Variants in BABAM2 observed in about 807,000 individuals in gnomAD.
BABAM2 encodes the protein BRISC and BRCA1 A complex member 2.
BABAM2 carries 31 observed loss-of-function variants against 54.7 expected under a neutral mutation model. The observed-to-expected ratio is 0.57, with a 90% CI of 0.43 to 0.77. The LOEUF is 0.77. Ranked by LOEUF, BABAM2 falls within the 30% of genes least tolerant of loss-of-function variation. The pLI, the probability that BABAM2 is intolerant of heterozygous loss-of-function variation, is 0.00. For missense variants in BABAM2, 364 were observed against 455.8 expected, an observed-to-expected ratio of 0.80 and a Z score of 1.83; for synonymous variants, 167 against 162.9, an observed-to-expected ratio of 1.03 and a Z score of -0.19.
At chr2:28,007,400 A>G (rs1351022009) in intron 4 of BABAM2, among the ~76,000 whole-genome samples, 5 of 152,142 alleles carry the variant, frequency 3.3e-5, no homozygotes, top group African/African-American at 1.2e-4. Flanking sequence ...AGGAAGCTGC[A>G]AATGGAAGAA....
At chr2:27,983,338 C>T (rs999537053) in intron 3 of BABAM2, among the ~76,000 whole-genome samples, 4 of 152,100 alleles carry the variant, frequency 2.6e-5, no homozygotes, top group Non-Finnish European at 5.9e-5. Context: ...GTATTCCTAT[C>T]CATATTCCAG....
At position 28,124,865 on chromosome 2, in the gene BABAM2, G is replaced by A. The variant is rs566556961; in HGVS notation, c.571-4406G>A. Among the ~76,000 whole-genome samples the A allele has an allele frequency of 2.6e-4, 40 of 152,254 alleles. No individual in the cohort carries two copies. The South Asian group carries it at 8.1e-3, about 31-fold the overall frequency. On this transcript the variant is annotated intron_variant, in intron 6 of 11. Coordinates refer to ENST00000379624, the MANE Select transcript of BABAM2 (RefSeq NM_199191.3). ...TATAAGATGAAAAACTAGAGAAGCAGTTATAGAATCTCAGAGTTATTGACC... is the reference window on the plus strand; with the variant it reads ...TATAAGATGAAAAACTAGAGAAGCAATTATAGAATCTCAGAGTTATTGACC...
At chr2:27,929,492 T>G (rs1257784061) in intron 2 of BABAM2, among the ~76,000 whole-genome samples, 2 of 152,228 alleles carry the variant, frequency 1.3e-5, no homozygotes, top group Admixed American at 6.5e-5. Context: ...ATTCTTATTT[T>G]ACAGTTCTTG....
At chr2:28,112,207 CT>C (rs1668189468) in intron 6 of BABAM2, among the ~76,000 whole-genome samples, 1 of 113,110 alleles carries the variant, frequency 8.8e-6, no homozygotes, top group Non-Finnish European at 1.8e-5. Flanking sequence ...CCCTTCCTTC[CT>C]TCCTTCCTTC....
At chr2:28,077,483 G>T (rs1664791361) in intron 6 of BABAM2, among the ~76,000 whole-genome samples, 1 of 152,096 alleles carries the variant, frequency 6.6e-6, no homozygotes, top group African/African-American at 2.4e-5. Context: ...CTTGACATAG[G>T]ATTCTAGAAC....
At chr2:28,224,737 A>G (rs1680720369) in intron 7 of BABAM2, among the ~76,000 whole-genome samples, 1 of 151,736 alleles carries the variant, frequency 6.6e-6, no homozygotes, top group South Asian at 2.1e-4. Context: ...TTTTCCTATT[A>G]AGCTCTGGGT....
At chr2:28,119,286 A>G (rs1948922) in intron 6 of BABAM2, among the ~76,000 whole-genome samples, 40,902 of 152,132 alleles carry the variant, frequency 0.27, 6,450 homozygotes, top group East Asian at 0.57. Flanking sequence ...TCCACACTCC[A>G]GATTCTTTCT....
intron 6 of BABAM2, among the ~76,000 whole-genome samples, chr2:28,053,644 C>T (rs185462355): frequency 1.3e-5 from 2 of 152,236 alleles, no homozygotes; most frequent in East Asian, 1.9e-4. Context: ...AGCAGTGGAC[C>T]CATGGCTGCG....
intron 2 of BABAM2, among the ~76,000 whole-genome samples, chr2:27,901,882 A>G (rs927125365): frequency 2.6e-5 from 4 of 152,124 alleles, no homozygotes; most frequent in Admixed American, 1.3e-4. Flanking sequence ...ATTCCTCAAC[A>G]GTATTATTTT....
chr2:28,089,037 G>C (rs1665925869), intron 6 of BABAM2, among the ~76,000 whole-genome samples: 1 of 151,022 alleles, frequency 6.6e-6, no homozygotes, highest in South Asian at 2.1e-4. Context: ...AGTGCATTTA[G>C]GGTTTTTTTT....
intron 10 of BABAM2, among the ~76,000 whole-genome samples, chr2:28,275,962 T>C (rs918737392): frequency 6.6e-6 from 1 of 151,632 alleles, no homozygotes; most frequent in Non-Finnish European, 1.5e-5. Flanking sequence ...TTTAAAACAT[T>C]TGCTGAAACC....
chr2:28,241,328 G>A lies in BABAM2; in HGVS notation c.786G>A (p.Gln262=). 4 of 1,613,876 alleles carry A rather than the reference G, an allele frequency of 2.5e-6. No homozygotes were observed. The highest frequency in any genetic ancestry group is 3.4e-6 in the Non-Finnish European group (4 of 1,179,792). Residue 262 remains glutamine (Q), a synonymous_variant, in exon 9 of 12, where the codon CAG becomes CAA. Transcript: ENST00000379624. ...QVCHLLTNKV[Q]YVIQGYHKRR... is the part of the protein sequence containing the mutation. ...GCTTTGGGTTTCTATTCCAGGTGCA[G>A]TACGTGATTCAAGGGTATCACAAAA...
At chr2:28,026,872 ATT>A (rs57634161) in intron 5 of BABAM2, among the ~76,000 whole-genome samples, 5 of 75,778 alleles carry the variant, frequency 6.6e-5, no homozygotes, top group South Asian at 3.2e-4. Context: ...AGATATATAT[ATT>A]TATATATATA....
chr2:28,100,790 A>T (rs1406773082), intron 6 of BABAM2, among the ~76,000 whole-genome samples: 1 of 152,208 alleles, frequency 6.6e-6, no homozygotes, highest in East Asian at 1.9e-4. Context: ...CTGTTGGTCC[A>T]TGAGGCGTAA....
chr2:28,209,544 A>T (rs1679232711), intron 7 of BABAM2, among the ~76,000 whole-genome samples: 1 of 152,168 alleles, frequency 6.6e-6, no homozygotes, highest in Non-Finnish European at 1.5e-5. Flanking sequence ...ACTGAGAGGG[A>T]GGAGGGGAGG....
chr2:28,120,207 G>A (rs1014534800), intron 6 of BABAM2, among the ~76,000 whole-genome samples: 6 of 152,112 alleles, frequency 3.9e-5, no homozygotes, highest in Non-Finnish European at 8.8e-5. Flanking sequence ...AACCTATTTT[G>A]AATATCTACT....
At chr2:28,054,881 A>T (rs1678273254) in intron 6 of BABAM2, among the ~76,000 whole-genome samples, 1 of 152,236 alleles carries the variant, frequency 6.6e-6, no homozygotes, top group African/African-American at 2.4e-5. Context: ...TACTTAATAC[A>T]CTTCTGAGCT....
At chr2:28,204,100 A>G (rs1449223802) in intron 7 of BABAM2, among the ~76,000 whole-genome samples, 4 of 151,518 alleles carry the variant, frequency 2.6e-5, no homozygotes, top group Non-Finnish European at 4.4e-5. Flanking sequence ...TTTTTAACCT[A>G]TTTTTACATT....
chr2:28,258,983 G>A (rs1684242436), intron 10 of BABAM2, among the ~76,000 whole-genome samples: 1 of 145,852 alleles, frequency 6.9e-6, no homozygotes, highest in Non-Finnish European at 1.5e-5. Context: ...CACCATGTTG[G>A]CCAGGATGGT....
Sources: allele counts gnomAD v4.1 joint callset (sites outside exome capture counted in the v4.1 genomes callset), GRCh38; gene constraint gnomAD v4.1.1; transcripts MANE v1.5; gene names NCBI Gene and HGNC (gene_info 2026-07-23, HGNC 2026-07-21).